Variants in DIXDC1 observed in about 807,000 individuals in gnomAD.
The protein encoded by DIXDC1 is DIX domain containing 1.
Under a neutral mutation model 103.1 loss-of-function variants are expected in DIXDC1, and 64 were observed. The observed-to-expected ratio is 0.62, with a 90% confidence interval of 0.51 to 0.76. The LOEUF is 0.76. Ranked by LOEUF, DIXDC1 falls within the 30% of genes least tolerant of loss-of-function variation. The probability of loss-of-function intolerance (pLI) is 0.00; values close to 1 mark genes in which losing one functional copy is unlikely to be tolerated. For synonymous variants in DIXDC1, 266 were observed against 298.5 expected (o/e 0.89, Z 1.12); for missense variants, 759 against 834.2 (o/e 0.91, Z 1.11).
intron 17 of DIXDC1, among the ~76,000 whole-genome samples, chr11:112,007,458 A>G (rs113008655): frequency 3.3e-5 from 5 of 151,430 alleles, no homozygotes; most frequent in African/African-American, 1.2e-4. Context: ...TACAGAGAAC[A>G]CCACAAAGAT....
At chr11:111,979,093 CTTTCTTTAAT>C (rs1415813784) in intron 5 of DIXDC1, among the ~76,000 whole-genome samples, 1 of 152,218 alleles carries the variant, frequency 6.6e-6, no homozygotes, top group Non-Finnish European at 1.5e-5. Context: ...GGTTAAGCAA[CTTTCTTTAAT>C]TTGATATTTC....
At chr11:111,952,077 G>C (rs141989379) in intron 1 of DIXDC1, among the ~76,000 whole-genome samples, 1,587 of 152,144 alleles carry the variant, frequency 0.01, 10 homozygotes, top group Non-Finnish European at 0.016. Context: ...TGTTGGGCAG[G>C]CTGGTCTTGA....
intron 19 of DIXDC1, 62 bp from the exon 20 acceptor site, chr11:112,018,894 G>C: frequency 7.1e-7 from 1 of 1,414,762 alleles, no homozygotes; most frequent in East Asian, 2.3e-5. Context: ...TTTATTAGCA[G>C]CAATTGTTTA....
At chr11:111,975,435 C>T in intron 5 of DIXDC1, 2 of 1,011,190 alleles carry the variant, frequency 2.0e-6, no homozygotes, top group Non-Finnish European at 2.4e-6. Flanking sequence ...AGAATGTTTC[C>T]AACTTTCCTC....
chr11:111,991,013 T>C (rs587697127), intron 10 of DIXDC1, among the ~76,000 whole-genome samples: 10 of 152,318 alleles, frequency 6.6e-5, no homozygotes, highest in South Asian at 6.2e-4. Flanking sequence ...CCTGAATATA[T>C]GTTATTTCAC....
intron 12 of DIXDC1, 110 bp from the exon 13 acceptor site, chr11:111,993,386 C>T (rs2137581345): frequency 8.6e-7 from 1 of 1,169,478 alleles, no homozygotes; most frequent in Middle Eastern, 2.2e-4. Flanking sequence ...GAGGAAAGGA[C>T]TTTTTTTCCT....
chr11:111,956,689 C>T (rs1286067543), intron 1 of DIXDC1, among the ~76,000 whole-genome samples: 2 of 152,096 alleles, frequency 1.3e-5, no homozygotes, highest in Non-Finnish European at 2.9e-5. Context: ...GAGGTTTCAC[C>T]ACGTTGGCCA....
At chr11:112,003,880 G>A (rs1205305459) in intron 17 of DIXDC1, among the ~76,000 whole-genome samples, 3 of 151,348 alleles carry the variant, frequency 2.0e-5, no homozygotes, top group Non-Finnish European at 2.9e-5. Context: ...TTGTATGCAC[G>A]TATCAAAATA....
chr11:111,997,356 A>G (rs1188136590), intron 17 of DIXDC1, among the ~76,000 whole-genome samples: 3 of 148,512 alleles, frequency 2.0e-5, no homozygotes, highest in Admixed American at 6.7e-5. Flanking sequence ...GCGGCGGGGG[A>G]TGGAGTTTCA....
At position 111,958,144 on chromosome 11, in the gene DIXDC1, C is replaced by T. The variant is rs1859449662; in HGVS notation, c.61-6405C>T. On this transcript the variant is annotated intron_variant, in intron 1 of 19. Coordinates refer to ENST00000440460, the MANE Select transcript of DIXDC1 (RefSeq NM_001037954.4). The surrounding 1 kb of genome is among the most constrained non-coding windows in gnomAD (Gnocchi z 4.2). ...CAGTCACCAGAGCCCTAGCTGTGGA[C>T]CCAGGCATCCCTGTGCTCTTGTGGG... is the stretch of plus-strand genomic sequence containing the variant. 6.6e-6 allele frequency among the ~76,000 whole-genome samples: 1 copy of T among 151,334 alleles called. No individual in the cohort carries two copies. The highest frequency in any genetic ancestry group is 1.5e-5 in the Non-Finnish European group (1 of 67,760).
intron 1 of DIXDC1, among the ~76,000 whole-genome samples, chr11:111,952,944 C>T (rs374884415): frequency 6.6e-6 from 1 of 151,988 alleles, no homozygotes; most frequent in East Asian, 1.9e-4. Flanking sequence ...GAGCTGTGAT[C>T]ATGCCACTGA....
chr11:111,984,731 T>G lies in DIXDC1; in HGVS notation c.919-501T>G, dbSNP rs199503460. ...AGGACATCTCTCTGCAAATGTGTTT[T>G]CCTTCTTGTTCAATAGAGGTTGCTT... On this transcript the variant is annotated intron_variant, in intron 7 of 19. Transcript: ENST00000440460. Among the ~76,000 whole-genome samples the G allele has an allele frequency of 1.9e-4, 29 of 152,322 alleles. No individual in the cohort carries two copies. In the East Asian group the frequency reaches 5.4e-3, roughly 28 times the overall value.
Position 111,968,530 on chromosome 11 carries a change from G to A in DIXDC1, c.208G>A (p.Gly70Arg). The A allele has an allele frequency of 6.2e-7, 1 of 1,613,090 alleles. No homozygotes were observed. The highest frequency in any genetic ancestry group is 8.5e-7 in the Non-Finnish European group (1 of 1,179,500). ...IEIVAGEKLS[G>R]VQLSPGNQQE... The stretch of plus-strand genomic sequence containing the variant: ...CCTAACAGCAGGAGAAAAGCTGAGT[G>A]GGGTACAGCTGAGTCCCGGTAACCA... The change falls in exon 3 of 20, where the codon GGG (glycine) becomes AGG (arginine). Residue 70 changes from glycine (G) to arginine (R), a missense_variant. Physicochemically the swap from Gly to Arg is moderately radical, Grantham distance 125. Coordinates refer to ENST00000440460, the MANE Select transcript of DIXDC1 (RefSeq NM_001037954.4).
intron 17 of DIXDC1, among the ~76,000 whole-genome samples, chr11:112,010,009 G>A (rs1861365381): frequency 6.6e-6 from 1 of 152,184 alleles, no homozygotes; most frequent in South Asian, 2.1e-4. Context: ...TGGAAAAGAG[G>A]AAGTAAAATT....
chr11:112,008,175 C>G (rs1448652475), intron 17 of DIXDC1, among the ~76,000 whole-genome samples: 36 of 151,340 alleles, frequency 2.4e-4, no homozygotes, highest in African/African-American at 8.0e-4. Flanking sequence ...ATCCTACTCT[C>G]TGATAAAACA....
chr11:111,934,255 C>G (rs797039496), upstream of DIXDC1, among the ~76,000 whole-genome samples: 23 of 152,296 alleles, frequency 1.5e-4, no homozygotes, highest in African/African-American at 5.3e-4. Flanking sequence ...CAGGGTTTGG[C>G]ACACAGTAAA....
chr11:111,937,139 G>GGC, upstream of DIXDC1: 25 of 745,898 alleles, frequency 3.4e-5, no homozygotes, highest in Non-Finnish European at 4.1e-5. Context: ...GGCGGGGGGG[G>GGC]GGTGTGCGCG....
chr11:111,982,512 C>T (rs587755067), intron 7 of DIXDC1, 25 bp downstream of exon 7: 1 of 1,602,910 alleles, frequency 6.2e-7, no homozygotes, highest in South Asian at 1.1e-5. Context: ...TGTAGTTTGC[C>T]CTTGTTATAC....
At chr11:111,928,677 C>T (rs1323955208) in intron 1 of DIXDC1, among the ~76,000 whole-genome samples, 2 of 151,768 alleles carry the variant, frequency 1.3e-5, no homozygotes, top group African/African-American at 4.8e-5. Flanking sequence ...GCAGGAGAAT[C>T]GCTTGAACCC....
Sources: gnomAD v4.1 joint callset for allele counts (sites outside exome capture counted in the v4.1 genomes callset) on GRCh38, gnomAD v4.1.1 for gene constraint, Gnocchi (gnomAD v3.1) non-coding constraint, MANE v1.5 for transcripts, NCBI Gene and HGNC (gene_info 2026-07-23, HGNC 2026-07-21) for gene names.